The following GNG4 variants were observed in gnomAD, a reference collection of about 807,000 sequenced individuals.
GNG4 encodes the protein G protein subunit gamma 4, also known as guanine nucleotide-binding protein G(I)/G(S)/G(O) subunit gamma-4.
GNG4 carries 4 observed loss-of-function variants against 5.8 expected under a neutral mutation model. The ratio of observed to expected loss-of-function variants is 0.69; its 90% CI spans 0.34 to 1.57. The LOEUF (loss-of-function observed/expected upper bound fraction) is 1.57. GNG4 is among the 40% of genes most tolerant of loss of function. The probability of loss-of-function intolerance (pLI) is 0.06; values close to 1 mark genes in which losing one functional copy is unlikely to be tolerated. For synonymous variants in GNG4, 29 were observed against 32.9 expected (o/e 0.88, Z 0.41); for missense variants, 96 against 95.1 (o/e 1.01, Z -0.04).
At chr1:235,634,563 A>G (rs1296149776) in intron 1 of GNG4, among the ~76,000 whole-genome samples, 1 of 152,222 alleles carries the variant, frequency 6.6e-6, no homozygotes, top group Non-Finnish European at 1.5e-5. Context: ...ACGCAGATTT[A>G]TAGCTTATCT....
chr1:235,593,994 C>T (rs115550396), intron 2 of GNG4, among the ~76,000 whole-genome samples: 1,616 of 152,336 alleles, frequency 0.011, 27 homozygotes, highest in African/African-American at 0.036. Context: ...CACCTACATC[C>T]TGCTGAATGG....
intron 3 of GNG4, among the ~76,000 whole-genome samples, chr1:235,560,331 C>T (rs1687025101): frequency 6.6e-6 from 1 of 152,160 alleles, no homozygotes; most frequent in Non-Finnish European, 1.5e-5. Flanking sequence ...TGGATTAATG[C>T]TGTTATCATG....
At chr1:235,645,822 A>C (rs1194425992) in intron 1 of GNG4, among the ~76,000 whole-genome samples, 2 of 142,560 alleles carry the variant, frequency 1.4e-5, no homozygotes, top group African/African-American at 2.6e-5. Flanking sequence ...AAAAAAAAAA[A>C]GAATGTTTAA....
At chr1:235,571,493 A>G (rs1687343038) in intron 3 of GNG4, among the ~76,000 whole-genome samples, 1 of 152,224 alleles carries the variant, frequency 6.6e-6, no homozygotes, top group African/African-American at 2.4e-5. Context: ...GTTGGCCGCT[A>G]TTATTATCAT....
At chr1:235,571,207 C>T (rs1687333915) in intron 3 of GNG4, among the ~76,000 whole-genome samples, 1 of 152,086 alleles carries the variant, frequency 6.6e-6, no homozygotes. Flanking sequence ...CAGTAACAGT[C>T]AATGAAATGT....
At position 235,596,111 on chromosome 1, in the gene GNG4, T is replaced by C. The variant is rs145028881; in HGVS notation, c.-122-600A>G. On this transcript the variant is annotated intron_variant, in intron 1 of 3. Transcript: ENST00000391854. Reference sequence around the variant, plus strand: ...ATAGTGTGAACCCGGGAGGCGGAGCTTGCGGTGAGCCAAGATCGCTCCACT... The same window carrying C: ...ATAGTGTGAACCCGGGAGGCGGAGCCTGCGGTGAGCCAAGATCGCTCCACT... Among the ~76,000 whole-genome samples, 530 of 151,706 alleles carry C rather than the reference T, an allele frequency of 3.5e-3. 3 individuals are homozygous for C. The highest frequency in any genetic ancestry group is 0.012 in the African/African-American group (506 of 41,342).
At chr1:235,622,891 A>AAAAAAAAAAG (rs2102977686) in intron 1 of GNG4, among the ~76,000 whole-genome samples, 1 of 149,414 alleles carries the variant, frequency 6.7e-6, no homozygotes, top group African/African-American at 2.5e-5. Flanking sequence ...AAAAAAAAAA[A>AAAAAAAAAAG]TAGCCAGGCG....
intron 1 of GNG4, among the ~76,000 whole-genome samples, chr1:235,603,539 G>A (rs186862965): frequency 3.3e-5 from 5 of 151,944 alleles, no homozygotes; most frequent in South Asian, 4.2e-4. Flanking sequence ...CGTCCCCCTC[G>A]CAGGGGGATG....
intron 3 of GNG4, among the ~76,000 whole-genome samples, chr1:235,564,295 G>A (rs1405685421): frequency 6.6e-6 from 1 of 152,116 alleles, no homozygotes; most frequent in Non-Finnish European, 1.5e-5. Flanking sequence ...ATGGGGGGAG[G>A]AAGGTAAGGG....
chr1:235,602,270 TCAA>T (rs559331506), intron 1 of GNG4, among the ~76,000 whole-genome samples: 4 of 151,848 alleles, frequency 2.6e-5, no homozygotes, highest in South Asian at 4.2e-4. Context: ...AGACCCGATC[TCAA>T]CAACAACAAC....
chr1:235,619,216 C>T (rs980088202), intron 1 of GNG4, among the ~76,000 whole-genome samples: 2 of 121,442 alleles, frequency 1.6e-5, no homozygotes, highest in African/African-American at 3.2e-5. Flanking sequence ...TATATATATA[C>T]ACACACACAT....
chr1:235,624,430 T>C (rs1360491602), intron 1 of GNG4, among the ~76,000 whole-genome samples: 2 of 152,062 alleles, frequency 1.3e-5, no homozygotes, highest in African/African-American at 4.8e-5. Flanking sequence ...CATTTTGACA[T>C]GATATTGTTT....
chr1:235,596,499 G>A (rs1688129183), intron 1 of GNG4, among the ~76,000 whole-genome samples: 2 of 151,910 alleles, frequency 1.3e-5, no homozygotes, highest in Admixed American at 1.3e-4. Flanking sequence ...ATCATGCCTG[G>A]GCAACAAGAG....
At chr1:235,570,714 A>G (rs1457702864) in intron 3 of GNG4, among the ~76,000 whole-genome samples, 1 of 150,888 alleles carries the variant, frequency 6.6e-6, no homozygotes. Flanking sequence ...AAATTTTTAA[A>G]AGACAGGGTC....
At chr1:235,591,478 G>A (rs1009242088) in intron 2 of GNG4, among the ~76,000 whole-genome samples, 4 of 152,186 alleles carry the variant, frequency 2.6e-5, no homozygotes, top group Non-Finnish European at 4.4e-5. Flanking sequence ...AGAAGGTTTC[G>A]GAGGTCCTGC....
rs1688820486 is a variant in GNG4 at position 235,626,835 on chromosome 1, T to C, written c.-123+22827A>G. 1.3e-5 allele frequency among the ~76,000 whole-genome samples: 2 copies of C among 151,788 alleles called. 1 individual carries two copies. Among genetic ancestry groups the C allele is most frequent in the Non-Finnish European group, 2.9e-5 (2 of 67,932 alleles). On this transcript the variant is annotated intron_variant, in intron 1 of 3. Transcript: ENST00000391854. ...TTAGCTGGGCGTGGTGGCACATGCCTGTAATCCCAGCTACTTGGGAGGCTG... is the reference window on the plus strand; with the variant it reads ...TTAGCTGGGCGTGGTGGCACATGCCCGTAATCCCAGCTACTTGGGAGGCTG...
At chr1:235,596,178 A>ACCAGTGCGAGACTCTGTCT (rs1688117524) in intron 1 of GNG4, among the ~76,000 whole-genome samples, 2 of 148,184 alleles carry the variant, frequency 1.3e-5, no homozygotes, top group Non-Finnish European at 3.0e-5. Flanking sequence ...TGTCTCAAAA[A>ACCAGTGCGAGACTCTGTCT]CAAAAACAAA....
intron 3 of GNG4, among the ~76,000 whole-genome samples, chr1:235,556,992 G>A (rs1010239557): frequency 4.6e-5 from 7 of 151,992 alleles, no homozygotes; most frequent in African/African-American, 1.7e-4. Flanking sequence ...CTCACAGGAG[G>A]CAGAGCTCAA....
rs139959280 is a variant in GNG4, at chr1:235,564,271, C to T, written c.100-12034G>A. On this transcript the variant is annotated intron_variant, in intron 3 of 3. Transcript: ENST00000391854. ...GGAGACACCAGGAACGAGAGACACA[C>T]TACTTGAGGGGTGATGGGGGGAGGA... is the stretch of plus-strand genomic sequence containing the variant. Among the ~76,000 whole-genome samples the T allele has an allele frequency of 3.2e-3, 491 of 152,142 alleles. 4 individuals are homozygous for T. The highest frequency in any genetic ancestry group is 0.011 in the African/African-American group (463 of 41,492).
Sources: gnomAD v4.1 joint callset for allele counts (sites outside exome capture counted in the v4.1 genomes callset) on GRCh38, gnomAD v4.1.1 for gene constraint, MANE v1.5 for transcripts, NCBI Gene and HGNC (gene_info 2026-07-23, HGNC 2026-07-21) for gene names.